Variants in ARHGAP21 observed in about 807,000 individuals in gnomAD.
ARHGAP21 encodes rho GTPase-activating protein 21.
ARHGAP21 carries 38 observed loss-of-function variants against 164.6 expected under a neutral mutation model. The ratio of observed to expected loss-of-function variants is 0.23; its 90% CI spans 0.18 to 0.30. ARHGAP21 has a LOEUF of 0.30. Among genes scored for constraint, ARHGAP21 ranks in the 10% least tolerant of loss-of-function variants. The probability of loss-of-function intolerance (pLI) is 1.00; values close to 1 mark genes in which losing one functional copy is unlikely to be tolerated. For synonymous variants in ARHGAP21, 766 were observed against 857.9 expected, an observed-to-expected ratio of 0.89 and a Z score of 1.87; for missense variants, 1,822 against 2,370.7, an observed-to-expected ratio of 0.77 and a Z score of 4.81.
chr10:24,687,236 A>G (rs924773088), intron 2 of ARHGAP21, among the ~76,000 whole-genome samples: 19 of 152,196 alleles, frequency 1.2e-4, no homozygotes, highest in African/African-American at 4.3e-4. Flanking sequence ...CTTACTAACC[A>G]TATTATAATT....
chr10:24,666,170 C>T (rs1190020461), intron 4 of ARHGAP21, among the ~76,000 whole-genome samples: 4 of 152,178 alleles, frequency 2.6e-5, no homozygotes, highest in African/African-American at 9.7e-5. Flanking sequence ...GCTGGGATTA[C>T]AGGCGCCCGC....
At chr10:24,695,155 A>G (rs556555845) in intron 2 of ARHGAP21, among the ~76,000 whole-genome samples, 7 of 151,786 alleles carry the variant, frequency 4.6e-5, no homozygotes, top group South Asian at 2.1e-4. Flanking sequence ...ATGGATTATC[A>G]TCAATCACAG....
At chr10:24,601,037 G>T in intron 13 of ARHGAP21, 107 bp from the exon 14 acceptor site, 1 of 1,309,552 alleles carries the variant, frequency 7.6e-7, no homozygotes, top group Non-Finnish European at 1.1e-6. Context: ...TATAACTAGT[G>T]TAGCAGGTGG....
intron 2 of ARHGAP21, among the ~76,000 whole-genome samples, chr10:24,713,205 G>A (rs1040067458): frequency 1.3e-5 from 2 of 152,194 alleles, no homozygotes; most frequent in Non-Finnish European, 2.9e-5. Context: ...TCAAGAGAGT[G>A]TCTTCCTTAG....
At chr10:24,648,590 G>T (rs1197432663) in intron 4 of ARHGAP21, among the ~76,000 whole-genome samples, 2 of 152,108 alleles carry the variant, frequency 1.3e-5, no homozygotes, top group African/African-American at 2.4e-5. Flanking sequence ...AGACAGCGTG[G>T]CCAACACGGT....
intron 25 of ARHGAP21, among the ~76,000 whole-genome samples, chr10:24,587,514 C>G (rs908926363): frequency 2.0e-5 from 3 of 152,164 alleles, no homozygotes; most frequent in African/African-American, 7.2e-5. Context: ...ATCAAAAATT[C>G]GCTAAGATGA....
At chr10:24,625,705 CTACT>C (rs1382289432) in intron 7 of ARHGAP21, among the ~76,000 whole-genome samples, 1 of 152,136 alleles carries the variant, frequency 6.6e-6, no homozygotes, top group Non-Finnish European at 1.5e-5. Flanking sequence ...TGACAAATGG[CTACT>C]TAAATAGGAT....
intron 4 of ARHGAP21, among the ~76,000 whole-genome samples, chr10:24,656,305 T>A (rs1262964502): frequency 1.2e-5 from 1 of 82,568 alleles, no homozygotes; most frequent in Non-Finnish European, 2.3e-5. Flanking sequence ...GAGGAGCCCC[T>A]CAGCCTGGCC....
intron 7 of ARHGAP21, chr10:24,629,795 A>G: frequency 1.6e-6 from 1 of 639,098 alleles, no homozygotes; most frequent in Non-Finnish European, 3.0e-6. Context: ...TCAACATAAC[A>G]TTTCCATGTC....
chr10:24,675,975 C>T (rs1841181956), intron 2 of ARHGAP21, among the ~76,000 whole-genome samples: 1 of 152,032 alleles, frequency 6.6e-6, no homozygotes, highest in Non-Finnish European at 1.5e-5. Context: ...TGGTGAAACC[C>T]CATCTCTATT....
At chr10:24,590,352 A>C (rs10734053) in intron 24 of ARHGAP21, 1 of 1,535,376 alleles carries the variant, frequency 6.5e-7, no homozygotes, top group Non-Finnish European at 8.7e-7. Flanking sequence ...AGAATCGGGG[A>C]TTTCTGCAGA....
At chr10:24,660,917 G>A (rs192526991) in intron 4 of ARHGAP21, among the ~76,000 whole-genome samples, 35 of 152,052 alleles carry the variant, frequency 2.3e-4, no homozygotes, top group Middle Eastern at 3.4e-3. Flanking sequence ...CGGATGTTCT[G>A]CTCAGGCCCC....
At chr10:24,683,471 T>C (rs1261747895) in intron 2 of ARHGAP21, among the ~76,000 whole-genome samples, 1 of 152,096 alleles carries the variant, frequency 6.6e-6, no homozygotes, top group Non-Finnish European at 1.5e-5. Context: ...TCTCTCTGAT[T>C]TACTTTATTT....
intron 24 of ARHGAP21, 73 bp from the exon 25 acceptor site, chr10:24,589,375 A>G: frequency 1.5e-6 from 2 of 1,360,874 alleles, no homozygotes; most frequent in Non-Finnish European, 2.1e-6. Context: ...TGCAAAACTT[A>G]TGGAAAGACA....
chr10:24,708,771 T>C (rs6482416), intron 2 of ARHGAP21, among the ~76,000 whole-genome samples: 118,390 of 152,196 alleles, frequency 0.78, 46,112 homozygotes, highest in Middle Eastern at 0.84. Flanking sequence ...TTCTTTCTTA[T>C]GGCTGAATAG....
intron 4 of ARHGAP21, among the ~76,000 whole-genome samples, chr10:24,653,390 C>T (rs1385761009): frequency 2.0e-5 from 3 of 151,962 alleles, no homozygotes; most frequent in Non-Finnish European, 2.9e-5. Flanking sequence ...CTGGCTAACA[C>T]GGTGAAACCC....
At chr10:24,666,954 T>C (rs1840255384) in intron 4 of ARHGAP21, 31 bp downstream of exon 4, 7 of 1,417,918 alleles carry the variant, frequency 4.9e-6, no homozygotes, top group Non-Finnish European at 6.7e-6. Context: ...AGAAAAACAT[T>C]CAGAGATAAA....
intron 4 of ARHGAP21, among the ~76,000 whole-genome samples, chr10:24,647,343 G>A (rs1184186563): frequency 6.6e-6 from 1 of 152,176 alleles, no homozygotes; most frequent in Non-Finnish European, 1.5e-5. Context: ...GGAAGTTCAA[G>A]TTGTTATGTA....
At chr10:24,674,092 G>T (rs1840980504) in intron 2 of ARHGAP21, among the ~76,000 whole-genome samples, 1 of 151,974 alleles carries the variant, frequency 6.6e-6, no homozygotes, top group Admixed American at 6.5e-5. Context: ...AAGACCCTCT[G>T]CTCTTCGAAA....
Sources: gnomAD v4.1 joint callset for allele counts (sites outside exome capture counted in the v4.1 genomes callset) on GRCh38, gnomAD v4.1.1 for gene constraint, MANE v1.5 for transcripts, NCBI Gene and HGNC (gene_info 2026-07-23, HGNC 2026-07-21) for gene names.